Variants in PDE4D observed in about 807,000 individuals in gnomAD.
PDE4D encodes the protein phosphodiesterase 4D.
In PDE4D, 24 loss-of-function variants were observed where a neutral mutation model predicts 87.4. That is an observed-to-expected ratio of 0.27 (90% CI 0.20 to 0.39). The LOEUF (loss-of-function observed/expected upper bound fraction) is 0.39, where lower values mean the gene tolerates loss of function less well. PDE4D is among the 10% of genes least tolerant of loss of function. The pLI is 1.00. For missense variants in PDE4D, 714 were observed against 1,041.0 expected, an observed-to-expected ratio of 0.69 and a Z score of 4.32; for synonymous variants, 384 against 383.2, an observed-to-expected ratio of 1.00 and a Z score of -0.02.
chr5:59,455,263 C>T (rs1188300807), intron 1 of PDE4D, among the ~76,000 whole-genome samples: 2 of 152,176 alleles, frequency 1.3e-5, no homozygotes, highest in African/African-American at 4.8e-5. Context: ...TTTCATGGGT[C>T]AGGCCCAGGG....
At chr5:60,202,287 C>G (rs1191790188) in intron 1 of PDE4D, among the ~76,000 whole-genome samples, 1 of 152,052 alleles carries the variant, frequency 6.6e-6, no homozygotes, top group Admixed American at 6.6e-5. Context: ...CTCAGCCTCC[C>G]TAGTAGCTGG....
intron 2 of PDE4D, among the ~76,000 whole-genome samples, chr5:60,077,022 G>T (rs956558885): frequency 1.3e-5 from 2 of 152,228 alleles, no homozygotes; most frequent in African/African-American, 2.4e-5. Context: ...ATGGACACAA[G>T]ACTGTGGACC....
chr5:60,028,788 C>T lies in PDE4D; in HGVS notation c.43-40071G>A, dbSNP rs147248894. ...TCAATATAATCTCTTCCCAGTATGC[C>T]CTTCCAATGATTCCTAAATTCTAGG... On this transcript the variant is annotated intron_variant, in intron 2 of 16. Transcript: ENST00000502484. 3.2e-4 allele frequency among the ~76,000 whole-genome samples: 48 copies of T among 152,172 alleles called. 1 individual carries two copies. Among genetic ancestry groups the T allele is most frequent in the African/African-American group, 1.1e-3 (46 of 41,522 alleles).
At chr5:59,721,006 C>G (rs1219769377) in intron 1 of PDE4D, among the ~76,000 whole-genome samples, 1 of 152,036 alleles carries the variant, frequency 6.6e-6, no homozygotes, top group South Asian at 2.1e-4. Flanking sequence ...CTCAGAAACC[C>G]AGCAGTTTTA....
chr5:59,261,229 C>T (rs1457649691), intron 1 of PDE4D, among the ~76,000 whole-genome samples: 1 of 151,782 alleles, frequency 6.6e-6, no homozygotes, highest in Non-Finnish European at 1.5e-5. Flanking sequence ...ATGCCATTTC[C>T]TTCTGATTTC....
chr5:60,373,612 C>T (rs1761202263), intron 1 of PDE4D, among the ~76,000 whole-genome samples: 1 of 152,126 alleles, frequency 6.6e-6, no homozygotes, highest in South Asian at 2.1e-4. Flanking sequence ...ATATTGGTTT[C>T]CTGTTGCTAT....
chr5:60,028,887 C>G (rs1461379548), intron 2 of PDE4D, among the ~76,000 whole-genome samples: 1 of 152,188 alleles, frequency 6.6e-6, no homozygotes, highest in Non-Finnish European at 1.5e-5. Context: ...GACAACTTCT[C>G]TAATCTTCCT....
rs555403991 is a variant in PDE4D at position 59,899,718 on chromosome 5, A to C, written c.272+88770T>G. Among the ~76,000 whole-genome samples the C allele has an allele frequency of 1.9e-4, 29 of 152,258 alleles. 1 individual carries two copies. The highest frequency in any genetic ancestry group is 5.2e-4 in the Admixed American group (8 of 15,296). ...AATGGTAGAGTGGCCTGAAGGAAGCAAGGGAGTAAGCCAGCACTCCAGGCT... is the reference window on the plus strand; with the variant it reads ...AATGGTAGAGTGGCCTGAAGGAAGCCAGGGAGTAAGCCAGCACTCCAGGCT... On this transcript the variant is annotated intron_variant, in intron 3 of 16. Coordinates refer to the PDE4D transcript ENST00000502484.
chr5:59,015,152 C>G (rs1753718219), intron 6 of PDE4D, among the ~76,000 whole-genome samples: 1 of 152,156 alleles, frequency 6.6e-6, no homozygotes, highest in Non-Finnish European at 1.5e-5. Context: ...ACATGTTAGT[C>G]CTAAAACCAT....
intron 2 of PDE4D, among the ~76,000 whole-genome samples, chr5:60,170,296 G>C (rs1327031611): frequency 6.6e-6 from 1 of 151,860 alleles, no homozygotes; most frequent in South Asian, 2.1e-4. Context: ...GTCAAATAAG[G>C]CTCAGCTTGG....
intron 1 of PDE4D, among the ~76,000 whole-genome samples, chr5:60,383,158 T>C (rs994301146): frequency 6.6e-6 from 1 of 152,170 alleles, no homozygotes; most frequent in East Asian, 1.9e-4. Context: ...TGGGCTGTTT[T>C]GTACAGATTA....
rs181695418 is a variant in PDE4D at position 59,806,068 on chromosome 5, T to C, written c.455+87100A>G. ...TCATCAAAACCTACCTGTTTTCTGT[T>C]TCGTTATCTCAGAATCTTTGTTATT... is the stretch of plus-strand genomic sequence containing the variant. On this transcript the variant is annotated intron_variant, in intron 1 of 14. Transcript: ENST00000340635. Among the ~76,000 whole-genome samples, 19 of 152,332 alleles carry C rather than the reference T, an allele frequency of 1.2e-4. No individual in the cohort carries two copies. The East Asian group carries it at 3.1e-3, about 25-fold the overall frequency.
chr5:59,066,106 T>C (rs1488443865), intron 5 of PDE4D, among the ~76,000 whole-genome samples: 1 of 152,188 alleles, frequency 6.6e-6, no homozygotes. Context: ...CATTGATTCA[T>C]TGAACAAATA....
chr5:59,693,691 G>C (rs1476192828), intron 1 of PDE4D, among the ~76,000 whole-genome samples: 1 of 152,150 alleles, frequency 6.6e-6, no homozygotes, highest in Non-Finnish European at 1.5e-5. Context: ...TGCAAAAAAA[G>C]TTAGGCAAGA....
chr5:59,059,474 G>A (rs1381120287), intron 5 of PDE4D, among the ~76,000 whole-genome samples: 2 of 152,132 alleles, frequency 1.3e-5, no homozygotes, highest in South Asian at 4.1e-4. Flanking sequence ...CTCTCTCTAC[G>A]ACAAGGTCAG....
chr5:60,210,817 A>T (rs1053277092), intron 1 of PDE4D, among the ~76,000 whole-genome samples: 12 of 150,338 alleles, frequency 8.0e-5, no homozygotes, highest in African/African-American at 2.9e-4. Context: ...GCTACAATGT[A>T]GGGGAAGATG....
At chr5:59,063,517 T>G (rs1466660925) in intron 5 of PDE4D, 6 of 152,200 alleles carry the variant, frequency 3.9e-5, no homozygotes, top group Non-Finnish European at 8.8e-5. Context: ...ATAATGCCTC[T>G]GGAAATTTTC....
intron 1 of PDE4D, among the ~76,000 whole-genome samples, chr5:59,336,062 G>A (rs1777601576): frequency 6.6e-6 from 1 of 152,222 alleles, no homozygotes; most frequent in Non-Finnish European, 1.5e-5. Context: ...CAGCAAAACG[G>A]TTAAGGCACT....
At chr5:60,122,348 T>A (rs945191641) in intron 2 of PDE4D, among the ~76,000 whole-genome samples, 1 of 152,220 alleles carries the variant, frequency 6.6e-6, no homozygotes, top group Non-Finnish European at 1.5e-5. Context: ...TAGCAGAGGT[T>A]TTCCATGAGG....
Sources: gnomAD v4.1 joint callset for allele counts (sites outside exome capture counted in the v4.1 genomes callset) on GRCh38, gnomAD v4.1.1 for gene constraint, MANE v1.5 for transcripts, NCBI Gene and HGNC (gene_info 2026-07-23, HGNC 2026-07-21) for gene names.